ARL10: variants seen among roughly 807,000 people sequenced by gnomAD.
ARL10 encodes the protein ADP-ribosylation factor-like protein 10.
Under a neutral mutation model 26.1 loss-of-function variants are expected in ARL10, and 23 were observed. That is an observed-to-expected ratio of 0.88 (90% CI 0.63 to 1.25). ARL10 has a LOEUF of 1.25. Among genes scored for constraint, ARL10 ranks in the 50% most tolerant of loss-of-function variants. ARL10 has a pLI of 0.00. For synonymous variants in ARL10, 138 were observed against 149.1 expected (o/e 0.93, Z 0.54); for missense variants, 300 against 323.6 (o/e 0.93, Z 0.56).
the ARL10 span, among the ~76,000 whole-genome samples, chr5:176,409,046 G>A: frequency 6.1e-4 from 92 of 151,812 alleles, no homozygotes; most frequent in African/African-American, 1.7e-3. Context: ...GCGTGATCTC[G>A]GCTCACCGCA....
chr5:176,385,099 G>A, downstream of ARL10: 1 of 728,264 alleles, frequency 1.4e-6, no homozygotes, highest in Non-Finnish European at 2.5e-6. Flanking sequence ...CCATTTCCTA[G>A]AGTCTCTTTT....
chr5:176,383,191 C>G (rs1230938949), downstream of ARL10, among the ~76,000 whole-genome samples: 1 of 152,218 alleles, frequency 6.6e-6, no homozygotes, highest in Non-Finnish European at 1.5e-5. Flanking sequence ...AAACCACGCA[C>G]CATACAAGAT....
At chr5:176,397,605 A>C in intron 1 of ARL10, 1 of 1,429,056 alleles carries the variant, frequency 7.0e-7, no homozygotes. Flanking sequence ...CAGCCCTCTC[A>C]CCGGTTGTTG....
At chr5:176,396,597 G>A in intron 1 of ARL10, 1 of 1,166,384 alleles carries the variant, frequency 8.6e-7, no homozygotes, top group Non-Finnish European at 1.3e-6. Context: ...AGACAGGCAG[G>A]CAGAAGGTTA....
At position 176,366,440 on chromosome 5, in the gene ARL10, G is replaced by A. The variant is rs561557928; in HGVS notation, c.244G>A (p.Val82Met). The A allele has an allele frequency of 1.1e-5, 17 of 1,613,500 alleles. No homozygotes were observed. In the Admixed American group the frequency reaches 2.3e-4, roughly 22 times the overall value. Residue 82 changes from valine (V) to methionine (M), a missense_variant, in exon 2 of 4, where the codon GTG becomes ATG. Coordinates refer to ENST00000310389, the MANE Select transcript of ARL10 (RefSeq NM_173664.6). ...LEELEQREVLVLGLDGAGKST... is the reference protein window; with the variant it reads ...LEELEQREVLMLGLDGAGKST... Reference sequence around the variant, plus strand: ...GGAGCTGGAACAGCGCGAGGTGCTGGTGCTGGGGCTGGATGGCGCAGGCAA... The same window carrying A: ...GGAGCTGGAACAGCGCGAGGTGCTGATGCTGGGGCTGGATGGCGCAGGCAA...
At position 176,372,144 on chromosome 5, in the gene ARL10, A is replaced by G; in HGVS notation, c.*249A>G. ...GGGAGGATAGTGTCTGGCTCATTCC[A>G]GGCTGGAATGTGGATCCAGCTTTCC... On this transcript the variant is annotated 3_prime_UTR_variant, in exon 4 of 4. Coordinates refer to ENST00000310389, the MANE Select transcript of ARL10 (RefSeq NM_173664.6). 1 of 1,300,436 alleles carries G rather than the reference A, an allele frequency of 7.7e-7. No individual in the cohort carries two copies. Among genetic ancestry groups the G allele is most frequent in the African/African-American group, 1.5e-5 (1 of 67,098 alleles). 80.6% of individuals were successfully genotyped at this position (1,300,436 alleles called of 1,614,324 possible).
chr5:176,393,555 C>CCT (rs748297996), downstream of ARL10, among the ~76,000 whole-genome samples: 1 of 152,106 alleles, frequency 6.6e-6, no homozygotes, highest in Non-Finnish European at 1.5e-5. The surrounding 1 kb of genome is among the most constrained non-coding windows in gnomAD (Gnocchi z 4.4). Context: ...GCGTCGTGAC[C>CCT]CTCCAAGGTG....
chr5:176,388,814 C>A, downstream of ARL10: 1 of 1,612,336 alleles, frequency 6.2e-7, no homozygotes, highest in South Asian at 1.1e-5. Context: ...CTGCTGTGGC[C>A]CGGACATGGC....
chr5:176,384,198 G>A (rs1210168822), downstream of ARL10: 27 of 1,614,070 alleles, frequency 1.7e-5, no homozygotes, highest in South Asian at 3.3e-5. Context: ...TCCGGGGGAC[G>A]CCTCAGCCTG....
downstream of ARL10, among the ~76,000 whole-genome samples, chr5:176,382,412 C>G (rs532475894): frequency 6.6e-6 from 1 of 152,216 alleles, no homozygotes; most frequent in East Asian, 1.9e-4. Context: ...ACAGAGATGG[C>G]TGGAGGGGAG....
Position 176,371,244 on chromosome 5 carries a change from T to A in ARL10, c.562-478T>A, listed in dbSNP as rs150471283. Among the ~76,000 whole-genome samples the A allele has an allele frequency of 8.8e-3, 1,321 of 149,512 alleles. 10 individuals are homozygous for A. Among genetic ancestry groups the A allele is most frequent in the African/African-American group, 0.024 (955 of 39,740 alleles). On this transcript the variant is annotated intron_variant, in intron 3 of 3. Coordinates refer to ENST00000310389, the MANE Select transcript of ARL10 (RefSeq NM_173664.6). ...ACAAAAATTAGCCAGGCGTGGTGGC[T>A]CACACCTGTAGTCCCAGCTACTAGG...
downstream of ARL10, among the ~76,000 whole-genome samples, chr5:176,392,114 T>A (rs2113613847): frequency 6.6e-6 from 1 of 151,708 alleles, no homozygotes; most frequent in African/African-American, 2.4e-5. The surrounding 1 kb of genome is among the most constrained non-coding windows in gnomAD (Gnocchi z 5.2). Context: ...AGGAGGGGAG[T>A]CTCATGGGTC....
At chr5:176,384,328 T>C (rs1187168709), downstream of ARL10, 10 of 1,614,226 alleles carry the variant, frequency 6.2e-6, no homozygotes, top group Non-Finnish European at 7.6e-6. Context: ...ACTCCGAATC[T>C]GTTTTGGGGT....
chr5:176,404,530 T>C (rs1757004280), downstream of ARL10, among the ~76,000 whole-genome samples: 1 of 152,238 alleles, frequency 6.6e-6, no homozygotes, highest in Admixed American at 6.5e-5. Flanking sequence ...CCAGGTCTTC[T>C]GACTCCATCT....
In ARL10 at chr5:176,371,805, C is replaced by T. The variant is rs1422563098; in HGVS notation, c.645C>T (p.Leu215=). Residue 215 remains leucine, a synonymous_variant, in exon 4 of 4, where the codon CTC becomes CTT. Transcript: ENST00000310389. ...TCGATAACCAGCGGGAGGTTTTCCT[C>T]TTGGCAGCCAGCATTGCCCCTGCAG... is the stretch of plus-strand genomic sequence containing the variant. ...QAIDNQREVF[L]LAASIAPAGP... is the part of the protein sequence containing the mutation. 5 of 1,614,084 alleles carry T rather than the reference C, an allele frequency of 3.1e-6. No individual in the cohort carries two copies. The highest frequency in any genetic ancestry group is 4.2e-6 in the Non-Finnish European group (5 of 1,180,044).
chr5:176,379,557 T>C lies in ARL10; in HGVS notation c.*7662T>C, dbSNP rs2049954138. 1 of 152,206 alleles carries C rather than the reference T, an allele frequency of 6.6e-6. No individual in the cohort carries two copies. The highest frequency in any genetic ancestry group is 2.4e-5 in the African/African-American group (1 of 41,452). 9.4% of individuals were successfully genotyped at this position (152,206 alleles called of 1,614,324 possible). A position where few individuals can be genotyped will look rare whatever the true frequency, so the allele number is the denominator to read the frequency against. ...GAGCAACCATATCTGTTACTTTCCA[T>C]CCTGGTTATATTTCTTAATTAGACT... On this transcript the variant is annotated 3_prime_UTR_variant, in exon 4 of 4. Coordinates refer to ENST00000310389, the MANE Select transcript of ARL10 (RefSeq NM_173664.6).
downstream of ARL10, among the ~76,000 whole-genome samples, chr5:176,402,495 C>T (rs958313853): frequency 9.2e-5 from 14 of 152,220 alleles, no homozygotes; most frequent in South Asian, 4.2e-4. Context: ...CCCCTAGAAT[C>T]GAGGGTCTAC....
exon 2 of ARL10, chr5:176,388,494 T>A: frequency 6.2e-7 from 1 of 1,614,124 alleles, no homozygotes; most frequent in Non-Finnish European, 8.5e-7. Context: ...CGGTTGACAC[T>A]GTAACCAAAC....
chr5:176,389,647 A>G, downstream of ARL10: 1 of 819,380 alleles, frequency 1.2e-6, no homozygotes, highest in African/African-American at 1.7e-5. Context: ...ACTGTAACCG[A>G]AAGTTTTTTC....
Sources: gnomAD v4.1 joint callset for allele counts (sites outside exome capture counted in the v4.1 genomes callset) on GRCh38, gnomAD v4.1.1 for gene constraint, Gnocchi (gnomAD v3.1) non-coding constraint, MANE v1.5 for transcripts, NCBI Gene and HGNC (gene_info 2026-07-23, HGNC 2026-07-21) for gene names.